The following PRUNE2 variants were observed in gnomAD, a reference collection of about 807,000 sequenced individuals.
PRUNE2 encodes prune homolog 2 with BCH domain.
A neutral mutation model predicts 252.0 loss-of-function variants in PRUNE2; 164 were observed. The observed-to-expected ratio is 0.65, with a 90% CI of 0.57 to 0.74. The LOEUF (loss-of-function observed/expected upper bound fraction) is 0.74, where lower values mean the gene tolerates loss of function less well. PRUNE2 is among the 30% of genes least tolerant of loss of function. The pLI is 0.00. For synonymous variants in PRUNE2, 1,292 were observed against 1,350.2 expected, an observed-to-expected ratio of 0.96 and a Z score of 0.94; for missense variants, 3,495 against 3,711.0, an observed-to-expected ratio of 0.94 and a Z score of 1.51.
chr9:76,743,027 A>G (rs968602134), intron 6 of PRUNE2, among the ~76,000 whole-genome samples: 1 of 152,134 alleles, frequency 6.6e-6, no homozygotes. Flanking sequence ...TGTTCTTGTG[A>G]TAGTGAGTTC....
At chr9:76,803,267 G>A (rs2056689671) in intron 6 of PRUNE2, among the ~76,000 whole-genome samples, 1 of 152,192 alleles carries the variant, frequency 6.6e-6, no homozygotes, top group Non-Finnish European at 1.5e-5. Context: ...TCTAACAGAA[G>A]CATTTACAAA....
intron 18 of PRUNE2, chr9:76,615,312 A>T: frequency 1.2e-6 from 1 of 858,928 alleles, no homozygotes; most frequent in Non-Finnish European, 1.4e-6. Flanking sequence ...GATAAAAGAG[A>T]AACTATTAGT....
At chr9:76,897,394 T>C (rs1251536653) in intron 1 of PRUNE2, among the ~76,000 whole-genome samples, 2 of 43,946 alleles carry the variant, frequency 4.6e-5, no homozygotes, top group East Asian at 1.2e-3. Context: ...AAACCTCTTT[T>C]TTTTTTTTTT....
chr9:76,834,472 A>G (rs1222733731), intron 4 of PRUNE2, among the ~76,000 whole-genome samples: 1 of 152,220 alleles, frequency 6.6e-6, no homozygotes, highest in African/African-American at 2.4e-5. Context: ...TAGAAATGCA[A>G]TAGAATCAAA....
Position 76,707,401 on chromosome 9 carries a change from A to C in PRUNE2, c.4873T>G (p.Trp1625Gly). Residue 1625 changes from tryptophan (W) to glycine (G), a missense_variant, in exon 8 of 19, where the codon TGG becomes GGG. By Grantham distance (184) the Trp-to-Gly change is radical. Coordinates refer to ENST00000376718, the MANE Select transcript of PRUNE2 (RefSeq NM_015225.3). ...GAATCACCATCAACTGAGTCATTCC[A>C]GATCTCTAAAAATGTAGGAGTTTTG... is the stretch of plus-strand genomic sequence containing the variant. ...DRKTPTFLEI[W>G]NDSVDGDSFS... 1 of 1,613,936 alleles carries C rather than the reference A, an allele frequency of 6.2e-7. No homozygotes were observed. Among genetic ancestry groups the C allele is most frequent in the Middle Eastern group, 1.6e-4 (1 of 6,062 alleles).
chr9:76,665,696 T>C lies in PRUNE2; in HGVS notation c.8277-10194A>G, dbSNP rs564804467. On this transcript the variant is annotated intron_variant, in intron 9 of 18. Transcript: ENST00000376718. Reference sequence around the variant, plus strand: ...AAGGTGCCCTGCCCTTTGGGTAAAGTGCTCCTCAGAATGTCTCACCACATA... The same window carrying C: ...AAGGTGCCCTGCCCTTTGGGTAAAGCGCTCCTCAGAATGTCTCACCACATA... 2.0e-5 allele frequency among the ~76,000 whole-genome samples: 3 copies of C among 152,238 alleles called. No homozygotes were observed. In the East Asian group the frequency reaches 5.8e-4, roughly 30 times the overall value.
intron 4 of PRUNE2, among the ~76,000 whole-genome samples, chr9:76,841,618 G>C (rs573683638): frequency 2.6e-4 from 39 of 152,300 alleles, no homozygotes; most frequent in African/African-American, 8.9e-4. Flanking sequence ...TGGGATGCTT[G>C]AGTCCGCCAT....
rs772946778 is a variant in PRUNE2, at chr9:76,705,555, T to G, written c.6719A>C (p.Gln2240Pro). The G allele has an allele frequency of 2.5e-6, 4 of 1,613,928 alleles. No homozygotes were observed. In the African/African-American group the frequency reaches 5.3e-5, roughly 22 times the overall value. ...ACCGTCACCTTCTGGAGTTGGCTCTTGGTGAGTTACAAAAATGCTAGTTGC... is the reference window on the plus strand; with the variant it reads ...ACCGTCACCTTCTGGAGTTGGCTCTGGGTGAGTTACAAAAATGCTAGTTGC... Reference protein sequence around the residue: ...NVATSIFVTHQEPTPEGDGSW... With the variant: ...NVATSIFVTHPEPTPEGDGSW... The change falls in exon 8 of 19, where the codon CAA becomes CCA. Residue 2240 changes from glutamine to proline, a missense_variant. By Grantham distance (76) the Gln-to-Pro change is moderately conservative. Coordinates refer to ENST00000376718, the MANE Select transcript of PRUNE2 (RefSeq NM_015225.3).
At chr9:76,735,741 T>C (rs1181969286) in intron 6 of PRUNE2, among the ~76,000 whole-genome samples, 2 of 152,348 alleles carry the variant, frequency 1.3e-5, no homozygotes, top group Non-Finnish European at 2.9e-5. Context: ...CTTTTCTACA[T>C]ATGATCAAAA....
At chr9:76,787,235 T>A (rs1439545944) in intron 6 of PRUNE2, 1 of 152,208 alleles carries the variant, frequency 6.6e-6, no homozygotes, top group Non-Finnish European at 1.5e-5. Flanking sequence ...CTTTTCTTAC[T>A]CTTTTATCAC....
intron 1 of PRUNE2, among the ~76,000 whole-genome samples, chr9:76,903,403 G>C (rs926482532): frequency 6.6e-5 from 10 of 151,438 alleles, no homozygotes; most frequent in African/African-American, 2.2e-4. Context: ...TAGTAATTAG[G>C]CTTTTTTGTT....
In PRUNE2 at chr9:76,803,647, G is replaced by A. The variant is rs546780118; in HGVS notation, c.756+19985C>T. On this transcript the variant is annotated intron_variant, in intron 6 of 18. Coordinates refer to ENST00000376718, the MANE Select transcript of PRUNE2 (RefSeq NM_015225.3). ...CCTGCCCCAGCTAGGCTGGCTGCTG[G>A]TGGAAGGGGATGTGGTCTCTCTCCC... Among the ~76,000 whole-genome samples the A allele has an allele frequency of 2.0e-5, 3 of 152,252 alleles. 1 individual carries two copies. The South Asian group carries it at 6.2e-4, about 32-fold the overall frequency.
chr9:76,721,439 T>G (rs1340890830), intron 6 of PRUNE2, among the ~76,000 whole-genome samples: 1 of 152,194 alleles, frequency 6.6e-6, no homozygotes, highest in Non-Finnish European at 1.5e-5. Context: ...ATATATTGAG[T>G]AAGACTTTTA....
intron 2 of PRUNE2, among the ~76,000 whole-genome samples, chr9:76,851,418 G>C (rs2059951675): frequency 6.6e-6 from 1 of 152,014 alleles, no homozygotes; most frequent in African/African-American, 2.4e-5. Context: ...CATGGTGGCA[G>C]GTATCTGTAG....
At chr9:76,666,339 T>C (rs1335022699) in intron 9 of PRUNE2, among the ~76,000 whole-genome samples, 1 of 152,168 alleles carries the variant, frequency 6.6e-6, no homozygotes, top group African/African-American at 2.4e-5. Flanking sequence ...CTGACATCAG[T>C]CAGGCTTGCC....
chr9:76,810,239 A>G (rs1191531165), intron 6 of PRUNE2, among the ~76,000 whole-genome samples: 1 of 152,242 alleles, frequency 6.6e-6, no homozygotes, highest in Non-Finnish European at 1.5e-5. Context: ...AGAGTCTTCT[A>G]AAGTTCATTT....
intron 1 of PRUNE2, among the ~76,000 whole-genome samples, chr9:76,882,556 G>A (rs2061847591): frequency 6.6e-6 from 1 of 152,190 alleles, no homozygotes; most frequent in Non-Finnish European, 1.5e-5. Context: ...AATCAAGGTG[G>A]AAGGCAAGGT....
At chr9:76,881,077 T>C (rs923868898) in intron 1 of PRUNE2, among the ~76,000 whole-genome samples, 12 of 152,086 alleles carry the variant, frequency 7.9e-5, no homozygotes, top group Non-Finnish European at 1.6e-4. Flanking sequence ...AAGCGATTTT[T>C]CTTCTTCAGC....
chr9:76,792,602 A>G (rs992575009), intron 6 of PRUNE2, among the ~76,000 whole-genome samples: 2 of 152,248 alleles, frequency 1.3e-5, no homozygotes, highest in African/African-American at 4.8e-5. Flanking sequence ...CAAAAAATAA[A>G]TAATTCTATC....
Sources: allele counts gnomAD v4.1 joint callset (sites outside exome capture counted in the v4.1 genomes callset), GRCh38; gene constraint gnomAD v4.1.1; transcripts MANE v1.5; gene names NCBI Gene and HGNC (gene_info 2026-07-23, HGNC 2026-07-21).